The following SLCO2A1 variants were observed in gnomAD, a reference collection of about 807,000 sequenced individuals.
SLCO2A1 encodes solute carrier organic anion transporter family member 2A1.
In SLCO2A1, 60 loss-of-function variants were observed where a neutral mutation model predicts 71.7. The ratio of observed to expected loss-of-function variants is 0.84; its 90% CI spans 0.68 to 1.04. The LOEUF (loss-of-function observed/expected upper bound fraction) is 1.04. SLCO2A1 is among the 50% of genes least tolerant of loss of function. The probability of loss-of-function intolerance (pLI) is 0.00; values close to 1 mark genes in which losing one functional copy is unlikely to be tolerated. For synonymous variants in SLCO2A1, 308 were observed against 326.7 expected (o/e 0.94, Z 0.62); for missense variants, 745 against 813.4 (o/e 0.92, Z 1.02).
In SLCO2A1 at chr3:134,016,223, CTTG is replaced by C. The variant is rs535237756; in HGVS notation, c.96+13481_96+13483del. ...ATTAAACATTTTCTCTGTAAAATAC[CTTG>C]TTAAGAGGATGAAAAAATAAGCTAT... On this transcript the variant is annotated intron_variant, in intron 1 of 13. Transcript: ENST00000310926. Among the ~76,000 whole-genome samples, 251 of 151,662 alleles carry C rather than the reference CTTG, an allele frequency of 1.7e-3. 2 individuals carry two copies. The highest frequency in any genetic ancestry group is 5.3e-3 in the African/African-American group (220 of 41,352).
chr3:133,935,914 A>G lies in SLCO2A1; in HGVS notation c.1691-17T>C, dbSNP rs759868984. 2 of 1,575,618 alleles carry G rather than the reference A, an allele frequency of 1.3e-6. No homozygotes were observed. Among genetic ancestry groups the G allele is most frequent in the East Asian group, 2.3e-5 (1 of 44,104 alleles). On this transcript the variant is annotated splice_polypyrimidine_tract_variant and intron_variant, in intron 12 of 13. Transcript: ENST00000310926. The stretch of plus-strand genomic sequence containing the variant: ...GCAGCCAGGCTGGAAGAGGGTTCAG[A>G]AAGCCCTGGTCAGGTGGAACTGCAG...
intron 11 of SLCO2A1, 130 bp downstream of exon 11, chr3:133,942,475 T>G: frequency 3.2e-6 from 3 of 948,002 alleles, no homozygotes; most frequent in Non-Finnish European, 4.6e-6. Flanking sequence ...ACCTTGCACA[T>G]TGTCATTTAA....
intron 11 of SLCO2A1, among the ~76,000 whole-genome samples, chr3:133,940,491 A>C (rs539290129): frequency 9.9e-5 from 15 of 152,176 alleles, no homozygotes; most frequent in Non-Finnish European, 1.6e-4. Flanking sequence ...GTTTGACAGG[A>C]GTCCTCTGGG....
intron 1 of SLCO2A1, among the ~76,000 whole-genome samples, chr3:134,027,683 C>T (rs1935726336): frequency 6.6e-6 from 1 of 152,200 alleles, no homozygotes; most frequent in South Asian, 2.1e-4. Flanking sequence ...TGCAACCCAT[C>T]CCCCACTGCA....
chr3:133,961,871 C>T (rs189824829), intron 3 of SLCO2A1, among the ~76,000 whole-genome samples: 22 of 152,272 alleles, frequency 1.4e-4, no homozygotes, highest in African/African-American at 4.8e-4. Context: ...AAAAAGGGAA[C>T]AGCAGTTAAA....
chr3:134,019,319 T>C (rs896307841), intron 1 of SLCO2A1, among the ~76,000 whole-genome samples: 1 of 152,206 alleles, frequency 6.6e-6, no homozygotes, highest in South Asian at 2.1e-4. Flanking sequence ...GAGGATTAAA[T>C]ATAGATAAAG....
intron 1 of SLCO2A1, among the ~76,000 whole-genome samples, chr3:133,992,258 C>G (rs987796273): frequency 1.3e-5 from 2 of 152,128 alleles, no homozygotes; most frequent in African/African-American, 2.4e-5. Flanking sequence ...CTTAAAAAAG[C>G]CTTTGATAAG....
chr3:134,019,190 T>C (rs1272384704), intron 1 of SLCO2A1, among the ~76,000 whole-genome samples: 1 of 152,170 alleles, frequency 6.6e-6, no homozygotes, highest in African/African-American at 2.4e-5. Flanking sequence ...CTCTGAAGTC[T>C]CACATACCTG....
intron 1 of SLCO2A1, among the ~76,000 whole-genome samples, chr3:134,016,495 A>C (rs79961593): frequency 0.12 from 18,864 of 152,238 alleles, 1,401 homozygotes; most frequent in East Asian, 0.38. Context: ...GTCACTATTC[A>C]TATCTATTAG....
At chr3:133,966,008 C>T (rs1401696809) in intron 3 of SLCO2A1, among the ~76,000 whole-genome samples, 2 of 152,198 alleles carry the variant, frequency 1.3e-5, no homozygotes, top group Non-Finnish European at 2.9e-5. Context: ...CCATGACTGT[C>T]CACATTCAGG....
intron 1 of SLCO2A1, among the ~76,000 whole-genome samples, chr3:134,019,802 T>G (rs1935531396): frequency 6.6e-6 from 1 of 152,138 alleles, no homozygotes; most frequent in African/African-American, 2.4e-5. Context: ...CAAAGTGGAT[T>G]GGTTAGTCTG....
At chr3:133,970,527 C>T (rs373489609) in intron 3 of SLCO2A1, among the ~76,000 whole-genome samples, 1 of 152,226 alleles carries the variant, frequency 6.6e-6, no homozygotes, top group East Asian at 1.9e-4. Context: ...TGAAGTAAGA[C>T]TTTATAAATA....
intron 11 of SLCO2A1, 128 bp downstream of exon 11, chr3:133,942,477 G>T: frequency 1.0e-6 from 1 of 966,852 alleles, no homozygotes; most frequent in Non-Finnish European, 1.5e-6. Flanking sequence ...CTTGCACATT[G>T]TCATTTAAAG....
intron 1 of SLCO2A1, among the ~76,000 whole-genome samples, chr3:133,984,344 C>T (rs772478741): frequency 2.0e-5 from 3 of 152,204 alleles, no homozygotes; most frequent in Admixed American, 6.5e-5. Context: ...CAGCTATTGG[C>T]CCCTGCAAGC....
At chr3:134,019,440 T>C (rs1935524463) in intron 1 of SLCO2A1, among the ~76,000 whole-genome samples, 1 of 152,244 alleles carries the variant, frequency 6.6e-6, no homozygotes, top group Non-Finnish European at 1.5e-5. Flanking sequence ...AACTAATAAC[T>C]ATGCCTCACG....
chr3:133,975,443 T>C (rs537857478), intron 2 of SLCO2A1, among the ~76,000 whole-genome samples: 1 of 152,306 alleles, frequency 6.6e-6, no homozygotes, highest in African/African-American at 2.4e-5. Flanking sequence ...ATTACTGTGG[T>C]AGCCTCCTAA....
chr3:133,952,668 T>C (rs1228924880), intron 5 of SLCO2A1, among the ~76,000 whole-genome samples: 1 of 152,252 alleles, frequency 6.6e-6, no homozygotes, highest in Non-Finnish European at 1.5e-5. Flanking sequence ...AGGGACTATA[T>C]ATTCTCATCC....
chr3:133,942,775 G>A lies in SLCO2A1; in HGVS notation c.1462-7C>T. 1 of 1,592,972 alleles carries A rather than the reference G, an allele frequency of 6.3e-7. No individual in the cohort carries two copies. The highest frequency in any genetic ancestry group is 1.3e-5 in the African/African-American group (1 of 74,188). On this transcript the variant is annotated splice_polypyrimidine_tract_variant and splice_region_variant and intron_variant, in intron 10 of 13. Transcript: ENST00000310926. ...AGCTGCAGTTCAAATAGATCTTCAA[G>A]AGGAAGGGGAGGGAAAAAGGGGGAA...
intron 1 of SLCO2A1, among the ~76,000 whole-genome samples, chr3:134,026,608 C>A (rs1237820036): frequency 1.3e-5 from 2 of 152,100 alleles, no homozygotes; most frequent in East Asian, 1.9e-4. Flanking sequence ...ACCAGACCCC[C>A]ATTTACGTGA....
Sources: allele counts gnomAD v4.1 joint callset (sites outside exome capture counted in the v4.1 genomes callset), GRCh38; gene constraint gnomAD v4.1.1; transcripts MANE v1.5; gene names NCBI Gene and HGNC (gene_info 2026-07-23, HGNC 2026-07-21).